MAGI2: variants seen among roughly 807,000 people sequenced by gnomAD.
The protein encoded by MAGI2 is membrane associated guanylate kinase, WW and PDZ domain containing 2, also known as membrane-associated guanylate kinase, WW and PDZ domain-containing protein 2.
Under a neutral mutation model 133.3 loss-of-function variants are expected in MAGI2, and 35 were observed. The ratio of observed to expected loss-of-function variants is 0.26; its 90% confidence interval spans 0.20 to 0.35. The LOEUF is 0.35. MAGI2 is among the 10% of genes least tolerant of loss of function. The probability of loss-of-function intolerance (pLI) is 1.00; values close to 1 mark genes in which losing one functional copy is unlikely to be tolerated. For synonymous variants in MAGI2, 729 were observed against 710.6 expected (o/e 1.03, Z -0.41); for missense variants, 1,636 against 1,863.4 (o/e 0.88, Z 2.25).
intron 3 of MAGI2, among the ~76,000 whole-genome samples, chr7:78,589,296 A>C (rs1295641486): frequency 6.6e-6 from 1 of 152,220 alleles, no homozygotes. Context: ...ATTAACTCAC[A>C]AAACCCCAGT....
intron 3 of MAGI2, among the ~76,000 whole-genome samples, chr7:78,526,550 A>C (rs6466259): frequency 0.28 from 42,169 of 152,104 alleles, 6,766 homozygotes; most frequent in African/African-American, 0.44. Flanking sequence ...AAAATCTATA[A>C]ATTTACATAG....
At chr7:78,763,077 A>T (rs961360388) in intron 2 of MAGI2, among the ~76,000 whole-genome samples, 2 of 152,234 alleles carry the variant, frequency 1.3e-5, no homozygotes, top group African/African-American at 4.8e-5. Context: ...AAGGCCTGCC[A>T]GTCACTGGTC....
intron 10 of MAGI2, among the ~76,000 whole-genome samples, chr7:78,208,155 T>TTA (rs1554499970): frequency 6.9e-6 from 1 of 145,250 alleles, no homozygotes; most frequent in African/African-American, 2.6e-5. Context: ...TTTTTTTTTT[T>TTA]AATATGGGGA....
At chr7:78,828,855 C>T (rs1264607919) in intron 2 of MAGI2, among the ~76,000 whole-genome samples, 2 of 151,994 alleles carry the variant, frequency 1.3e-5, no homozygotes, top group Admixed American at 6.6e-5. Flanking sequence ...TATAAACATT[C>T]TAAAGTAATT....
At chr7:78,594,678 G>C (rs1014148785) in intron 3 of MAGI2, among the ~76,000 whole-genome samples, 14 of 152,084 alleles carry the variant, frequency 9.2e-5, no homozygotes, top group Admixed American at 9.2e-4. Context: ...GGATGGTCTT[G>C]ATCTCTTGAT....
At chr7:78,321,724 A>G (rs985598989) in intron 9 of MAGI2, among the ~76,000 whole-genome samples, 7 of 152,160 alleles carry the variant, frequency 4.6e-5, no homozygotes, top group African/African-American at 1.7e-4. Flanking sequence ...GGACTTCATG[A>G]CTAAAACACC....
intron 1 of MAGI2, among the ~76,000 whole-genome samples, chr7:79,196,612 C>A (rs1386828872): frequency 1.3e-5 from 2 of 151,950 alleles, no homozygotes; most frequent in African/African-American, 4.8e-5. Context: ...ATGTTTATAT[C>A]ATGATGACTA....
At chr7:79,450,224 G>C (rs1056740736) in intron 1 of MAGI2, among the ~76,000 whole-genome samples, 2 of 152,064 alleles carry the variant, frequency 1.3e-5, no homozygotes, top group Admixed American at 6.6e-5. Context: ...AGCTATGCTA[G>C]CTTTTGCATC....
At chr7:78,657,619 C>T (rs1253355609) in intron 2 of MAGI2, among the ~76,000 whole-genome samples, 1 of 140,504 alleles carries the variant, frequency 7.1e-6, no homozygotes, top group East Asian at 2.0e-4. Flanking sequence ...AAAAGTTTGG[C>T]GACTTTAAGA....
At chr7:78,382,379 C>A (rs937618086) in intron 6 of MAGI2, among the ~76,000 whole-genome samples, 2 of 151,840 alleles carry the variant, frequency 1.3e-5, no homozygotes, top group African/African-American at 4.8e-5. Context: ...AACTTGAAAT[C>A]TAATACAAAC....
intron 1 of MAGI2, among the ~76,000 whole-genome samples, chr7:79,056,973 G>A (rs943350087): frequency 2.0e-5 from 3 of 152,288 alleles, no homozygotes; most frequent in African/African-American, 7.2e-5. Context: ...ATACCTAAAA[G>A]AGATCATACT....
chr7:78,596,956 C>T (rs1804668202), intron 3 of MAGI2, among the ~76,000 whole-genome samples: 2 of 152,130 alleles, frequency 1.3e-5, no homozygotes, highest in Admixed American at 1.3e-4. Context: ...ATCTATGTGG[C>T]AGGCAGATCT....
intron 6 of MAGI2, among the ~76,000 whole-genome samples, chr7:78,465,803 A>G (rs1448674023): frequency 6.6e-6 from 1 of 152,256 alleles, no homozygotes; most frequent in Admixed American, 6.5e-5. Flanking sequence ...AAATCCGTAA[A>G]CCAAATCCCT....
intron 9 of MAGI2, among the ~76,000 whole-genome samples, chr7:78,336,333 G>A (rs1271233077): frequency 6.6e-6 from 1 of 152,172 alleles, no homozygotes; most frequent in African/African-American, 2.4e-5. Flanking sequence ...AGTTAATCTT[G>A]TGCCCTTACT....
chr7:78,812,228 A>T (rs1261797881), intron 2 of MAGI2, among the ~76,000 whole-genome samples: 1 of 152,242 alleles, frequency 6.6e-6, no homozygotes, highest in South Asian at 2.1e-4. Context: ...AGATAAAAAA[A>T]TTATGTTTTT....
At chr7:78,716,860 T>A (rs893727251) in intron 2 of MAGI2, among the ~76,000 whole-genome samples, 1 of 152,118 alleles carries the variant, frequency 6.6e-6, no homozygotes, top group African/African-American at 2.4e-5. Flanking sequence ...CGGAATCCAA[T>A]CTTATTTACA....
At chr7:78,641,521 T>A (rs903828052) in intron 2 of MAGI2, among the ~76,000 whole-genome samples, 1 of 152,158 alleles carries the variant, frequency 6.6e-6, no homozygotes, top group Non-Finnish European at 1.5e-5. Flanking sequence ...TGCCCACCCC[T>A]ACATTAGGTT....
intron 1 of MAGI2, among the ~76,000 whole-genome samples, chr7:79,303,868 C>A (rs1283996053): frequency 2.6e-5 from 4 of 152,070 alleles, no homozygotes; most frequent in Admixed American, 1.3e-4. Context: ...CTTTGAAACA[C>A]GTGGTTAATG....
intron 2 of MAGI2, among the ~76,000 whole-genome samples, chr7:78,722,005 ACT>A (rs540909996): frequency 6.7e-4 from 102 of 151,590 alleles, no homozygotes; most frequent in African/African-American, 2.2e-3. Context: ...TTATAGAAAA[ACT>A]TTTTTATTTG....
Sources: gnomAD v4.1 joint callset for allele counts (sites outside exome capture counted in the v4.1 genomes callset) on GRCh38, gnomAD v4.1.1 for gene constraint, MANE v1.5 for transcripts, NCBI Gene and HGNC (gene_info 2026-07-23, HGNC 2026-07-21) for gene names.